SMIM31: variants seen among roughly 807,000 people sequenced by gnomAD.
The protein encoded by SMIM31 is small integral membrane protein 31, also known as human epithelial cell program regulator.
chr4:164,777,369 A>G (rs1302411460), intron 2 of SMIM31, among the ~76,000 whole-genome samples: 1 of 152,178 alleles, frequency 6.6e-6, no homozygotes, highest in Non-Finnish European at 1.5e-5. Context: ...AATTATATAG[A>G]ATCATTTTGC....
chr4:164,772,867 C>T (rs1322422386), intron 2 of SMIM31, among the ~76,000 whole-genome samples: 7 of 151,604 alleles, frequency 4.6e-5, no homozygotes, highest in African/African-American at 1.7e-4. Flanking sequence ...CGTGAGCCAC[C>T]GCGCCCGGCC....
At position 164,786,591 on chromosome 4, in the gene SMIM31, CATTATT is replaced by C. The variant is rs577810661; in HGVS notation, c.113-14499_113-14494del. ...CTAGAATTCTAGTGCTCTTTTCTAC[CATTATT>C]GAGTCAGAAACTAGTTATCCAGAAA... On this transcript the variant is annotated intron_variant, in intron 2 of 2. Transcript: ENST00000507311. 6.6e-3 allele frequency among the ~76,000 whole-genome samples: 1,004 copies of C among 152,198 alleles called. 12 individuals are homozygous for C. The highest frequency in any genetic ancestry group is 0.023 in the African/African-American group (949 of 41,552).
intron 2 of SMIM31, among the ~76,000 whole-genome samples, chr4:164,774,316 G>A (rs1732853674): frequency 6.6e-6 from 1 of 152,042 alleles, no homozygotes; most frequent in Admixed American, 6.6e-5. Context: ...CAATTGCAAG[G>A]TGACATCACA....
intron 1 of SMIM31, among the ~76,000 whole-genome samples, chr4:164,766,258 T>C (rs1348679821): frequency 6.6e-6 from 1 of 152,212 alleles, no homozygotes; most frequent in African/African-American, 2.4e-5. Context: ...AATAGAGTGC[T>C]TGATGCCGCT....
intron 2 of SMIM31, among the ~76,000 whole-genome samples, chr4:164,798,235 T>TG (rs950117168): frequency 6.7e-6 from 1 of 148,992 alleles, no homozygotes; most frequent in South Asian, 2.1e-4. Context: ...TTTTTATTTT[T>TG]TTTTTTTATT....
chr4:164,767,786 G>A (rs1233709538), intron 1 of SMIM31, among the ~76,000 whole-genome samples: 1 of 152,242 alleles, frequency 6.6e-6, no homozygotes, highest in Non-Finnish European at 1.5e-5. Context: ...CAAGAAGGTA[G>A]TCGGGTTCCA....
intron 2 of SMIM31, among the ~76,000 whole-genome samples, chr4:164,783,232 A>C (rs28491715): frequency 0.012 from 1,534 of 127,188 alleles, 71 homozygotes; most frequent in African/African-American, 0.027. Flanking sequence ...AAAAAAAAAA[A>C]GGAATTTCTG....
intron 1 of SMIM31, among the ~76,000 whole-genome samples, chr4:164,762,283 G>GATAT (rs1294933010): frequency 6.6e-6 from 1 of 152,184 alleles, no homozygotes; most frequent in Non-Finnish European, 1.5e-5. Context: ...AAAGACTGGA[G>GATAT]ATATACCTAA....
intron 2 of SMIM31, among the ~76,000 whole-genome samples, chr4:164,792,492 G>C (rs6536853): frequency 0.75 from 113,679 of 151,992 alleles, 42,994 homozygotes; most frequent in Non-Finnish European, 0.8. Flanking sequence ...AGGAAAGGAA[G>C]AACATGAAGA....
chr4:164,793,313 A>G (rs982525967), intron 2 of SMIM31, among the ~76,000 whole-genome samples: 1 of 152,188 alleles, frequency 6.6e-6, no homozygotes, highest in Admixed American at 6.5e-5. Context: ...GGTATCCCAC[A>G]ATAACTCAGG....
At chr4:164,782,377 ATTTTTTTT>A (rs760284575) in intron 2 of SMIM31, among the ~76,000 whole-genome samples, 2 of 98,678 alleles carry the variant, frequency 2.0e-5, no homozygotes, top group East Asian at 4.9e-4. Context: ...TCTTTCTTTT[ATTTTTTTT>A]TTTTTTTTTT....
intron 2 of SMIM31, among the ~76,000 whole-genome samples, chr4:164,775,366 G>A (rs1408649840): frequency 6.6e-6 from 1 of 152,152 alleles, no homozygotes; most frequent in Non-Finnish European, 1.5e-5. Flanking sequence ...TTTGTCTCAT[G>A]AATGATTTAG....
At position 164,758,837 on chromosome 4, in the gene SMIM31, T is replaced by A. The variant is rs1271581374; in HGVS notation, c.-26+4426T>A. Among the ~76,000 whole-genome samples the A allele has an allele frequency of 5.7e-3, 436 of 75,932 alleles. 2 individuals are homozygous for A. The highest frequency in any genetic ancestry group is 0.017 in the African/African-American group (393 of 23,454). The allele number at this position is 75,932 out of a possible 152,430, so 49.8% of individuals were successfully genotyped here. ...TTTTTTTTTTTTTTTTTTTTTTTTT[T>A]TTTTGTATTTTTAGTAGAGACTGGG... On this transcript the variant is annotated intron_variant, in intron 1 of 2. Coordinates refer to ENST00000507311, the MANE Select transcript of SMIM31 (RefSeq NM_001352885.1).
intron 2 of SMIM31, among the ~76,000 whole-genome samples, chr4:164,796,455 C>T (rs796951399): frequency 2.0e-5 from 3 of 152,282 alleles, no homozygotes; most frequent in African/African-American, 7.2e-5. Context: ...TCTATCGGTA[C>T]ACATTCCCTT....
At chr4:164,781,129 T>TACACACACACACACACACACACACAC (rs138037586) in intron 2 of SMIM31, among the ~76,000 whole-genome samples, 2 of 144,544 alleles carry the variant, frequency 1.4e-5, no homozygotes, top group African/African-American at 5.0e-5. Flanking sequence ...TACATTTACA[T>TACACACACACACACACACACACACAC]ACACACACAC....
At chr4:164,764,455 T>C (rs1345870770) in intron 1 of SMIM31, among the ~76,000 whole-genome samples, 1 of 151,636 alleles carries the variant, frequency 6.6e-6, no homozygotes, top group Non-Finnish European at 1.5e-5. Flanking sequence ...TAGTCCCAGC[T>C]ACTCGGGAGG....
intron 1 of SMIM31, among the ~76,000 whole-genome samples, chr4:164,767,146 G>T (rs547182953): frequency 2.0e-4 from 30 of 152,156 alleles, no homozygotes; most frequent in Admixed American, 4.6e-4. Flanking sequence ...GGCTAGTTAA[G>T]TAGAAGAGGA....
intron 2 of SMIM31, among the ~76,000 whole-genome samples, chr4:164,794,941 T>C (rs1234158832): frequency 6.6e-6 from 1 of 151,964 alleles, no homozygotes; most frequent in Non-Finnish European, 1.5e-5. Flanking sequence ...ATATATATAA[T>C]GAACTATTGC....
intron 2 of SMIM31, among the ~76,000 whole-genome samples, chr4:164,778,988 A>C (rs1461855804): frequency 6.6e-6 from 1 of 151,530 alleles, no homozygotes; most frequent in Non-Finnish European, 1.5e-5. Flanking sequence ...GGAATCCACT[A>C]AACAGGAAAA....
Sources: gnomAD v4.1 joint callset for allele counts (sites outside exome capture counted in the v4.1 genomes callset) on GRCh38, gnomAD v4.1.1 for gene constraint, MANE v1.5 for transcripts, NCBI Gene and HGNC (gene_info 2026-07-23, HGNC 2026-07-21) for gene names.